Variants in FNIP1 observed in about 807,000 individuals in gnomAD.
FNIP1 encodes folliculin interacting protein 1.
Under a neutral mutation model 124.5 loss-of-function variants are expected in FNIP1, and 40 were observed. The ratio of observed to expected loss-of-function variants is 0.32; its 90% CI spans 0.25 to 0.42. FNIP1 has a LOEUF of 0.42. Among genes scored for constraint, FNIP1 ranks in the 10% least tolerant of loss-of-function variants. The pLI, the probability that FNIP1 is intolerant of heterozygous loss-of-function variation, is 1.00. For synonymous variants in FNIP1, 472 were observed against 470.6 expected (o/e 1.00, Z -0.04); for missense variants, 1,176 against 1,403.7 (o/e 0.84, Z 2.59).
chr5:131,644,054 T>C lies in FNIP1; in HGVS notation c.*631A>G, dbSNP rs771160511. 2 of 152,306 alleles carry C rather than the reference T, an allele frequency of 1.3e-5. No individual in the cohort carries two copies. The highest frequency in any genetic ancestry group is 4.8e-5 in the African/African-American group (2 of 41,434). The allele number at this position is 152,306 out of a possible 1,614,324, so 9.4% of individuals were successfully genotyped here. On this transcript the variant is annotated 3_prime_UTR_variant, in exon 18 of 18. Coordinates refer to ENST00000510461, the MANE Select transcript of FNIP1 (RefSeq NM_133372.3). ...ATACTAGTTGAAAATATATATATTT[T>C]TAAAGGCATGTTTACCAGTCTTGTA...
chr5:131,690,771 G>C lies in FNIP1; in HGVS notation c.1202+8146C>G, dbSNP rs567470535. On this transcript the variant is annotated intron_variant, in intron 11 of 17. Coordinates refer to ENST00000510461, the MANE Select transcript of FNIP1 (RefSeq NM_133372.3). Reference sequence around the variant, plus strand: ...CAGTGAAAATTATCAGAGATAAAGAGGGGCACTTCATAATGATAAGGAGCT... The same window carrying C: ...CAGTGAAAATTATCAGAGATAAAGACGGGCACTTCATAATGATAAGGAGCT... Among the ~76,000 whole-genome samples the C allele has an allele frequency of 1.1e-4, 17 of 152,280 alleles. No homozygotes were observed. The South Asian group carries it at 3.5e-3, about 32-fold the overall frequency.
chr5:131,781,454 CCTG>C, intron 1 of FNIP1, among the ~76,000 whole-genome samples: 1 of 152,186 alleles, frequency 6.6e-6, no homozygotes, highest in Non-Finnish European at 1.5e-5. Context: ...GGCTGACTCT[CCTG>C]TTAGGGGCTA....
chr5:131,728,749 G>C (rs1420131876), intron 3 of FNIP1, among the ~76,000 whole-genome samples: 1 of 152,108 alleles, frequency 6.6e-6, no homozygotes. Context: ...TGATCCTTTG[G>C]AGGAGGAGAG....
At chr5:131,693,335 T>TATATATATATATAC (rs1768567141) in intron 11 of FNIP1, among the ~76,000 whole-genome samples, 1 of 98,036 alleles carries the variant, frequency 1.0e-5, no homozygotes, top group African/African-American at 5.4e-5. Context: ...TATATATACA[T>TATATATATATATAC]ATATATATAT....
intron 1 of FNIP1, among the ~76,000 whole-genome samples, chr5:131,788,669 C>A (rs2149589168): frequency 6.9e-6 from 1 of 145,864 alleles, no homozygotes; most frequent in South Asian, 2.1e-4. Context: ...CCACTGCACT[C>A]CAGCCTAGGT....
At chr5:131,660,291 G>A (rs1388670272) in intron 15 of FNIP1, among the ~76,000 whole-genome samples, 1 of 152,196 alleles carries the variant, frequency 6.6e-6, no homozygotes, top group Non-Finnish European at 1.5e-5. Context: ...AAGTAGGAGA[G>A]GAGTTTGAGT....
chr5:131,652,382 G>A (rs1421584758), intron 15 of FNIP1, among the ~76,000 whole-genome samples: 1 of 152,140 alleles, frequency 6.6e-6, no homozygotes, highest in Non-Finnish European at 1.5e-5. Flanking sequence ...TTCAGACAGA[G>A]TCTTGCTCTG....
chr5:131,789,395 G>A (rs1398071247), intron 1 of FNIP1, among the ~76,000 whole-genome samples: 1 of 152,084 alleles, frequency 6.6e-6, no homozygotes, highest in Non-Finnish European at 1.5e-5. Context: ...TATAATTGTT[G>A]GTAATATTAT....
intron 12 of FNIP1, 31 bp from the exon 13 acceptor site, chr5:131,677,903 A>T (rs1303204248): frequency 6.2e-7 from 1 of 1,600,326 alleles, no homozygotes; most frequent in East Asian, 2.2e-5. Context: ...ATCAGATTCC[A>T]ATCAGTCTTC....
chr5:131,773,847 G>T (rs1771720280), intron 1 of FNIP1, among the ~76,000 whole-genome samples: 1 of 151,968 alleles, frequency 6.6e-6, no homozygotes, highest in Non-Finnish European at 1.5e-5. Flanking sequence ...TTGCTAGAGG[G>T]GTATGTGGCA....
At chr5:131,760,442 A>G (rs1771189278) in intron 1 of FNIP1, among the ~76,000 whole-genome samples, 1 of 152,170 alleles carries the variant, frequency 6.6e-6, no homozygotes, top group South Asian at 2.1e-4. Flanking sequence ...CAATCATTTT[A>G]AAATTGAATT....
intron 14 of FNIP1, 102 bp downstream of exon 14, chr5:131,671,403 C>G: frequency 1.0e-6 from 1 of 972,534 alleles, no homozygotes; most frequent in East Asian, 2.4e-5. Context: ...GAGAGCTATC[C>G]AGAACAATGA....
chr5:131,699,660 G>A (rs1180523965), intron 10 of FNIP1, among the ~76,000 whole-genome samples: 1 of 151,898 alleles, frequency 6.6e-6, no homozygotes, highest in Non-Finnish European at 1.5e-5. Flanking sequence ...CCAAAGTGCT[G>A]GGGTTATAGG....
intron 2 of FNIP1, among the ~76,000 whole-genome samples, chr5:131,740,467 G>T (rs1018089369): frequency 6.6e-6 from 1 of 152,120 alleles, no homozygotes; most frequent in Non-Finnish European, 1.5e-5. Flanking sequence ...TCCTTGTTTA[G>T]AATCAGTGAA....
chr5:131,678,837 T>C (rs1767987422), intron 12 of FNIP1, among the ~76,000 whole-genome samples, 192 bp downstream of exon 12: 1 of 152,322 alleles, frequency 6.6e-6, no homozygotes, highest in East Asian at 1.9e-4. Context: ...TTACAGACAT[T>C]TTCACTGCTT....
intron 1 of FNIP1, among the ~76,000 whole-genome samples, chr5:131,794,385 A>T (rs1457949136): frequency 1.1e-4 from 17 of 152,148 alleles, no homozygotes. Flanking sequence ...AAAATGGTAC[A>T]ACTATTTTGG....
At chr5:131,728,130 TTGG>T (rs1769951197) in intron 3 of FNIP1, among the ~76,000 whole-genome samples, 1 of 152,192 alleles carries the variant, frequency 6.6e-6, no homozygotes. Context: ...CATTTCAACC[TTGG>T]TGAATCTGAC....
chr5:131,670,589 G>A lies in FNIP1; in HGVS notation c.2982C>T (p.Ala994=). The change falls in exon 15 of 18, where the codon GCC becomes GCT. Residue 994 remains alanine (A), a synonymous_variant. Coordinates refer to ENST00000510461, the MANE Select transcript of FNIP1 (RefSeq NM_133372.3). ...CACCCAGCAAGGACCTCCCGAAGTT[G>A]GCAATGTTGGGCTGAACAGCACTCA... is the stretch of plus-strand genomic sequence containing the variant. ...IEVSAVQPNI[A]NFGRSLLGGY... The A allele has an allele frequency of 6.2e-7, 1 of 1,613,316 alleles. No individual in the cohort carries two copies. The highest frequency in any genetic ancestry group is 8.5e-7 in the Non-Finnish European group (1 of 1,179,788).
At chr5:131,729,437 A>G (rs988132015) in intron 3 of FNIP1, among the ~76,000 whole-genome samples, 22 of 152,020 alleles carry the variant, frequency 1.4e-4, no homozygotes, top group Non-Finnish European at 1.3e-4. Context: ...GCTGAGCTGC[A>G]GTGAGCTCCG....
Sources: allele counts gnomAD v4.1 joint callset (sites outside exome capture counted in the v4.1 genomes callset), GRCh38; gene constraint gnomAD v4.1.1; transcripts MANE v1.5; gene names NCBI Gene and HGNC (gene_info 2026-07-23, HGNC 2026-07-21).